The following TEKTIP1 variants were observed in gnomAD, a reference collection of about 807,000 sequenced individuals.
TEKTIP1 encodes tektin bundle interacting protein 1, also known as tektin bundle-interacting protein 1.
At chr19:3,543,011 G>A in the TEKTIP1 span, 2 of 1,602,304 alleles carry the variant, frequency 1.2e-6, no homozygotes, top group Non-Finnish European at 1.7e-6. Context: ...TGACTTGGGT[G>A]CTTGGGGTGC....
chr19:3,540,503 T>G, the TEKTIP1 span, among the ~76,000 whole-genome samples: 476 of 150,642 alleles, frequency 3.2e-3, no homozygotes, highest in Non-Finnish European at 4.6e-3. Context: ...TGATCTGCCC[T>G]CCTTGGCCTC....
At chr19:3,542,635 C>A in the TEKTIP1 span, 1 of 1,047,552 alleles carries the variant, frequency 9.5e-7, no homozygotes, top group Non-Finnish European at 1.2e-6. Context: ...CGCCCCCACA[C>A]CATGCCTGGC....
the TEKTIP1 span, chr19:3,542,393 G>A: frequency 1.0e-6 from 1 of 985,280 alleles, no homozygotes; most frequent in Non-Finnish European, 1.2e-6. Flanking sequence ...CTGTCTTGGG[G>A]CCAGCAACCT....
chr19:3,539,319 G>A, the TEKTIP1 span: 1 of 1,087,320 alleles, frequency 9.2e-7, no homozygotes, highest in Non-Finnish European at 1.3e-6. Flanking sequence ...CTCCCTGGGT[G>A]TCAGGTTACA....
At chr19:3,542,885 T>C in the TEKTIP1 span, 7 of 1,401,752 alleles carry the variant, frequency 5.0e-6, no homozygotes, top group South Asian at 4.5e-5. Context: ...AGGAAGGGAC[T>C]TGTGGGTCTT....
chr19:3,543,455 G>T, the TEKTIP1 span: 1 of 1,543,412 alleles, frequency 6.5e-7, no homozygotes, highest in Non-Finnish European at 8.7e-7. Flanking sequence ...CCAACACCGT[G>T]AGTGCAGCAT....
chr19:3,542,488 T>C, the TEKTIP1 span: 1 of 983,560 alleles, frequency 1.0e-6, no homozygotes, highest in Non-Finnish European at 1.2e-6. Context: ...GTCTTTTTGT[T>C]TTTGAGACAG....
At chr19:3,539,960 C>T in the TEKTIP1 span, 1 of 152,160 alleles carries the variant, frequency 6.6e-6, no homozygotes, top group African/African-American at 2.4e-5. Context: ...AGAAATTAAA[C>T]CAAGATGGTG....
the TEKTIP1 span, chr19:3,542,721 G>A: frequency 7.7e-7 from 1 of 1,303,072 alleles, no homozygotes; most frequent in Admixed American, 2.3e-5. Context: ...GACCTCAAGT[G>A]ATCCACCTGC....
At chr19:3,543,536 A>G in the TEKTIP1 span, 1 of 1,220,094 alleles carries the variant, frequency 8.2e-7, no homozygotes, top group East Asian at 5.3e-5. Flanking sequence ...AATGACCGCC[A>G]GCCCCCGCCC....
the TEKTIP1 span, chr19:3,542,827 C>T: frequency 7.3e-6 from 10 of 1,375,150 alleles, no homozygotes; most frequent in Non-Finnish European, 9.7e-6. Context: ...AGTGCCAGCC[C>T]CAGACCACTT....
At chr19:3,540,617 C>T in the TEKTIP1 span, among the ~76,000 whole-genome samples, 5 of 151,938 alleles carry the variant, frequency 3.3e-5, no homozygotes, top group South Asian at 2.1e-4. Context: ...CAGTGGCTCA[C>T]GCCTGTAATT....
At chr19:3,539,209 C>A in the TEKTIP1 span, 1 of 1,550,724 alleles carries the variant, frequency 6.4e-7, no homozygotes, top group Non-Finnish European at 8.7e-7. Context: ...GCTGCACGGC[C>A]CTGTATCCCC....
the TEKTIP1 span, among the ~76,000 whole-genome samples, chr19:3,540,884 A>T: frequency 7.8e-6 from 1 of 128,254 alleles, no homozygotes; most frequent in African/African-American, 2.9e-5. Flanking sequence ...AAAAAAAAAA[A>T]AAAAATCCAG....
the TEKTIP1 span, chr19:3,541,852 A>T: frequency 2.1e-6 from 2 of 948,920 alleles, no homozygotes; most frequent in Non-Finnish European, 1.3e-6. Context: ...TCTCTCACCC[A>T]GGCTGGAGTG....
the TEKTIP1 span, chr19:3,543,178 G>A: frequency 6.6e-7 from 1 of 1,523,442 alleles, no homozygotes; most frequent in African/African-American, 1.4e-5. Context: ...CATCGCAAAG[G>A]GGTCAAAGCA....
At chr19:3,543,284 C>T in the TEKTIP1 span, 1 of 1,548,188 alleles carries the variant, frequency 6.5e-7, no homozygotes, top group South Asian at 1.2e-5. Flanking sequence ...AGCCATCAGG[C>T]AGGCCACACG....
the TEKTIP1 span, chr19:3,542,675 G>C: frequency 8.4e-7 from 1 of 1,191,270 alleles, no homozygotes; most frequent in Non-Finnish European, 1.1e-6. Context: ...TAGAGATGGG[G>C]TTTTACCATG....
the TEKTIP1 span, chr19:3,542,473 C>G: frequency 3.0e-6 from 3 of 984,574 alleles, no homozygotes; most frequent in Non-Finnish European, 3.6e-6. Flanking sequence ...ATCTTTGAGT[C>G]TCTTGTCTTT....
Sources: gnomAD v4.1 joint callset for allele counts (sites outside exome capture counted in the v4.1 genomes callset) on GRCh38, gnomAD v4.1.1 for gene constraint, MANE v1.5 for transcripts, NCBI Gene and HGNC (gene_info 2026-07-23, HGNC 2026-07-21) for gene names.